The following TBXAS1 variants were observed in gnomAD, a reference collection of about 807,000 sequenced individuals.
TBXAS1 encodes the protein thromboxane A synthase 1, also known as thromboxane-A synthase.
TBXAS1 carries 48 observed loss-of-function variants against 60.7 expected under a neutral mutation model. The observed-to-expected ratio is 0.79, with a 90% CI of 0.63 to 1.01. The LOEUF (loss-of-function observed/expected upper bound fraction) is 1.01. TBXAS1 is among the 50% of genes least tolerant of loss of function. The pLI, the probability that TBXAS1 is intolerant of heterozygous loss-of-function variation, is 0.00. For synonymous variants in TBXAS1, 287 were observed against 269.7 expected (o/e 1.06, Z -0.63); for missense variants, 685 against 686.3 (o/e 1.00, Z 0.02).
At chr7:140,016,114 G>T (rs891974964) in intron 11 of TBXAS1, among the ~76,000 whole-genome samples, 1 of 152,058 alleles carries the variant, frequency 6.6e-6, no homozygotes, top group Non-Finnish European at 1.5e-5. Flanking sequence ...AGATCACGAG[G>T]TCAGGAGATC....
At chr7:139,936,518 T>A (rs1451896025) in intron 5 of TBXAS1, among the ~76,000 whole-genome samples, 1 of 152,160 alleles carries the variant, frequency 6.6e-6, no homozygotes, top group Non-Finnish European at 1.5e-5. Flanking sequence ...TATCCCCACT[T>A]GCCATAAATG....
intron 3 of TBXAS1, among the ~76,000 whole-genome samples, chr7:139,895,227 G>A (rs1803994553): frequency 6.6e-6 from 1 of 152,196 alleles, no homozygotes; most frequent in South Asian, 2.1e-4. Flanking sequence ...ATGGTTGGGG[G>A]AATGGAAGTT....
At chr7:139,950,636 T>G in intron 5 of TBXAS1, among the ~76,000 whole-genome samples, 1 of 151,804 alleles carries the variant, frequency 6.6e-6, no homozygotes, top group East Asian at 1.9e-4. Flanking sequence ...CATGGAGCCA[T>G]TGCAGCTTTG....
intron 4 of TBXAS1, among the ~76,000 whole-genome samples, chr7:139,809,747 C>G (rs963629868): frequency 1.3e-5 from 2 of 152,148 alleles, no homozygotes. Context: ...AGTGTGGATT[C>G]ACCTGCCTTT....
chr7:139,930,725 A>G (rs796097532), intron 4 of TBXAS1, among the ~76,000 whole-genome samples: 38 of 152,302 alleles, frequency 2.5e-4, no homozygotes, highest in African/African-American at 8.9e-4. Flanking sequence ...AAAACAAGTT[A>G]GGGAGTTTGC....
Position 139,911,262 on chromosome 7 carries a change from G to A in TBXAS1, c.274G>A (p.Glu92Lys), listed in dbSNP as rs144789379. Residue 92 changes from glutamate (E) to lysine (K), a missense_variant, in exon 4 of 13, where the codon GAG becomes AAG. By Grantham distance (56) the Glu-to-Lys change is moderately conservative. Coordinates refer to ENST00000448866, the MANE Select transcript of TBXAS1 (RefSeq NM_001061.7). Reference sequence around the variant, plus strand: ...TCGTCGGATGTTTATTGTTATTTCTGAGCCAGACATGATCAAGCAGGTGTT... The same window carrying A: ...TCGTCGGATGTTTATTGTTATTTCTAAGCCAGACATGATCAAGCAGGTGTT... Reference protein sequence around the residue: ...LGRRMFIVISEPDMIKQVLVE... With the variant: ...LGRRMFIVISKPDMIKQVLVE... 37 of 1,613,924 alleles carry A rather than the reference G, an allele frequency of 2.3e-5. No homozygotes were observed. Among genetic ancestry groups the A allele is most frequent in the Non-Finnish European group, 3.0e-5 (35 of 1,180,024 alleles).
chr7:139,827,531 G>A (rs184491240), upstream of TBXAS1, among the ~76,000 whole-genome samples: 178 of 151,890 alleles, frequency 1.2e-3, no homozygotes, highest in Non-Finnish European at 1.0e-3. Context: ...TTCTTTGTTT[G>A]TTTTTTGCTT....
rs1033127349 is a variant in TBXAS1, at chr7:139,852,604, G to A, written c.90-19631G>A. Among the ~76,000 whole-genome samples the A allele has an allele frequency of 2.6e-5, 4 of 152,142 alleles. No homozygotes were observed. The highest frequency in any genetic ancestry group is 9.7e-5 in the African/African-American group (4 of 41,422). ...AAGAATTAGGTCAAGACAAAGATCTGGGGGATTACAGGAACAAACATGATG... is the reference window on the plus strand; with the variant it reads ...AAGAATTAGGTCAAGACAAAGATCTAGGGGATTACAGGAACAAACATGATG... On this transcript the variant is annotated intron_variant, in intron 1 of 12. Transcript: ENST00000448866. This position sits in a 1 kb window ranked among gnomAD's most constrained non-coding sequence, Gnocchi z 4.4.
At chr7:139,902,358 A>T (rs1804650636) in intron 3 of TBXAS1, among the ~76,000 whole-genome samples, 1 of 152,122 alleles carries the variant, frequency 6.6e-6, no homozygotes. Flanking sequence ...AAACAGAATC[A>T]TACAGCATGT....
At chr7:140,002,041 G>A (rs1017956081) in intron 9 of TBXAS1, among the ~76,000 whole-genome samples, 1 of 152,188 alleles carries the variant, frequency 6.6e-6, no homozygotes, top group Non-Finnish European at 1.5e-5. Flanking sequence ...ACATGTCCGT[G>A]CATTTTAAAG....
intron 4 of TBXAS1, among the ~76,000 whole-genome samples, chr7:139,821,691 G>A (rs1394037252): frequency 1.3e-5 from 2 of 152,176 alleles, no homozygotes; most frequent in South Asian, 2.1e-4. Context: ...AGTGGCACCT[G>A]CAAATTCCAC....
intron 9 of TBXAS1, chr7:139,962,444 G>T (rs1209904307): frequency 8.7e-6 from 5 of 575,636 alleles, no homozygotes; most frequent in Non-Finnish European, 1.5e-5. Context: ...AAGACAAATT[G>T]TGTGTGCACC....
At chr7:139,781,190 C>T (rs547678871) in intron 2 of TBXAS1, among the ~76,000 whole-genome samples, 3 of 152,300 alleles carry the variant, frequency 2.0e-5, no homozygotes, top group African/African-American at 7.2e-5. Flanking sequence ...TAGCGAAGTT[C>T]GTATGATATA....
Position 139,975,143 on chromosome 7 carries a change from T to C in TBXAS1, c.1134+12910T>C, listed in dbSNP as rs1417495657. The stretch of plus-strand genomic sequence containing the variant: ...TTTGCTCTTACGGCCTTCAACCGAT[T>C]GGATGAGGCACGCCCATATTATTGA... On this transcript the variant is annotated intron_variant, in intron 9 of 12. Coordinates refer to ENST00000448866, the MANE Select transcript of TBXAS1 (RefSeq NM_001061.7). This position sits in a 1 kb window ranked among gnomAD's most constrained non-coding sequence, Gnocchi z 4.4. Among the ~76,000 whole-genome samples, 2 of 152,208 alleles carry C rather than the reference T, an allele frequency of 1.3e-5. No homozygotes were observed. Among genetic ancestry groups the C allele is most frequent in the Non-Finnish European group, 2.9e-5 (2 of 68,038 alleles).
At chr7:139,931,545 A>C (rs1040202257) in intron 4 of TBXAS1, among the ~76,000 whole-genome samples, 16 of 152,218 alleles carry the variant, frequency 1.1e-4, no homozygotes, top group Non-Finnish European at 2.2e-4. Context: ...GGGGAGGCCT[A>C]CCAAACATGG....
chr7:139,943,033 C>T (rs1370553391), intron 5 of TBXAS1, among the ~76,000 whole-genome samples: 1 of 152,192 alleles, frequency 6.6e-6, no homozygotes, highest in East Asian at 1.9e-4. Flanking sequence ...TTAGTTTGGC[C>T]TTTAAATTTT....
chr7:139,946,863 G>A (rs1357170099), intron 5 of TBXAS1, among the ~76,000 whole-genome samples: 2 of 152,214 alleles, frequency 1.3e-5, no homozygotes, highest in South Asian at 2.1e-4. Flanking sequence ...AGTGCCAGGG[G>A]AAGGAAACCT....
At chr7:139,996,133 AT>A (rs879520998) in intron 9 of TBXAS1, among the ~76,000 whole-genome samples, 3,919 of 136,016 alleles carry the variant, frequency 0.029, 67 homozygotes, top group Middle Eastern at 0.049. Flanking sequence ...CATGTCTGGC[AT>A]TTTTTTTTTT....
intron 9 of TBXAS1, among the ~76,000 whole-genome samples, chr7:140,005,901 C>T (rs1011065296): frequency 1.2e-4 from 18 of 152,206 alleles, no homozygotes; most frequent in African/African-American, 4.1e-4. Context: ...CTAACAGGTT[C>T]CCGGGTGATG....
Sources: allele counts gnomAD v4.1 joint callset (sites outside exome capture counted in the v4.1 genomes callset), GRCh38; gene constraint gnomAD v4.1.1; non-coding constraint Gnocchi (gnomAD v3.1); transcripts MANE v1.5; gene names NCBI Gene and HGNC (gene_info 2026-07-23, HGNC 2026-07-21).